Variants in PMF1 observed in about 807,000 individuals in gnomAD.
PMF1 encodes the protein polyamine-modulated factor 1.
A neutral mutation model predicts 26.7 loss-of-function variants in PMF1; 21 were observed. The ratio of observed to expected loss-of-function variants is 0.79; its 90% CI spans 0.56 to 1.13. The LOEUF is 1.13. Ranked by LOEUF, PMF1 falls within the 50% of genes most tolerant of loss-of-function variation. The probability of loss-of-function intolerance (pLI) is 0.00; values close to 1 mark genes in which losing one functional copy is unlikely to be tolerated. For synonymous variants in PMF1, 105 were observed against 101.0 expected, an observed-to-expected ratio of 1.04 and a Z score of -0.24; for missense variants, 266 against 254.9, an observed-to-expected ratio of 1.04 and a Z score of -0.30.
intron 4 of PMF1, chr1:156,236,801 C>T: frequency 2.7e-6 from 1 of 376,210 alleles, no homozygotes; most frequent in East Asian, 4.2e-5. Context: ...GGAGTTAAAA[C>T]CTGGTGCTGG....
intron 1 of PMF1, among the ~76,000 whole-genome samples, chr1:156,216,041 T>A (rs1657678732): frequency 6.6e-6 from 1 of 152,094 alleles, no homozygotes; most frequent in Non-Finnish European, 1.5e-5. Flanking sequence ...AAGGCAGTGA[T>A]CAAGATGGAC....
At chr1:156,215,454 C>A (rs1288430288) in intron 1 of PMF1, among the ~76,000 whole-genome samples, 1 of 152,138 alleles carries the variant, frequency 6.6e-6, no homozygotes, top group Non-Finnish European at 1.5e-5. Flanking sequence ...ACGGTCCCTC[C>A]CCTGTTGTAT....
intron 4 of PMF1, among the ~76,000 whole-genome samples, chr1:156,238,080 T>G (rs1410090642): frequency 6.6e-6 from 1 of 152,218 alleles, no homozygotes; most frequent in Non-Finnish European, 1.5e-5. Flanking sequence ...CGACAATCAG[T>G]TGGCCATAAG....
rs1237224129 is a variant in PMF1 at position 156,213,053 on chromosome 1, G to A, written c.38G>A (p.Cys13Tyr). ...EASSANLGSGCEEKRHEGSSS... is the reference protein window; with the variant it reads ...EASSANLGSGYEEKRHEGSSS... Reference sequence around the variant, plus strand: ...AGTAGCGCCAATCTAGGCAGCGGCTGTGAGGAAAAAAGGCATGAGGGGTCG... The same window carrying A: ...AGTAGCGCCAATCTAGGCAGCGGCTATGAGGAAAAAAGGCATGAGGGGTCG... The change falls in exon 1 of 5, where the codon TGT (cysteine) becomes TAT (tyrosine). Residue 13 changes from cysteine (C) to tyrosine (Y), a missense_variant. Physicochemically the swap from Cys to Tyr is radical, Grantham distance 194 (BLOSUM62 -2). Coordinates refer to ENST00000368277, the MANE Select transcript of PMF1 (RefSeq NM_007221.4). The A allele has an allele frequency of 6.2e-7, 1 of 1,614,218 alleles. No individual in the cohort carries two copies. The highest frequency in any genetic ancestry group is 8.5e-7 in the Non-Finnish European group (1 of 1,180,018).
Position 156,213,512 on chromosome 1 carries a change from C to A in PMF1, c.161+336C>A, listed in dbSNP as rs77605998. Among the ~76,000 whole-genome samples, 658 of 152,290 alleles carry A rather than the reference C, an allele frequency of 4.3e-3. 4 individuals carry two copies. The highest frequency in any genetic ancestry group is 0.015 in the African/African-American group (615 of 41,548). Reference sequence around the variant, plus strand: ...TTTGAGATAGGGCCTTGCGTTGTCGCCCAGGCTGGAGTGCAGTGGCGTGAT... The same window carrying A: ...TTTGAGATAGGGCCTTGCGTTGTCGACCAGGCTGGAGTGCAGTGGCGTGAT... On this transcript the variant is annotated intron_variant, in intron 1 of 4. Transcript: ENST00000368277.
intron 1 of PMF1, among the ~76,000 whole-genome samples, chr1:156,227,945 T>C (rs1461988896): frequency 6.7e-6 from 1 of 150,134 alleles, no homozygotes; most frequent in Admixed American, 6.7e-5. Context: ...TTTTTTTTTT[T>C]TTTTTTGAGA....
intron 1 of PMF1, among the ~76,000 whole-genome samples, chr1:156,222,612 C>T (rs907692328): frequency 2.6e-5 from 4 of 152,166 alleles, no homozygotes; most frequent in African/African-American, 4.8e-5. Flanking sequence ...AAACTCCTGA[C>T]CTCAGGTGAT....
At position 156,239,780 on chromosome 1, in the gene PMF1, C is replaced by A. The variant is rs1487158251; in HGVS notation, c.*179C>A. ...CCTCACTGCCACTGTGCCTTTGGGGCACCCTTGGGGTTGGACATACACCCC... is the reference window on the plus strand; with the variant it reads ...CCTCACTGCCACTGTGCCTTTGGGGAACCCTTGGGGTTGGACATACACCCC... On this transcript the variant is annotated 3_prime_UTR_variant, in exon 5 of 5. Transcript: ENST00000368277. 1.4e-5 allele frequency: 8 copies of A among 592,570 alleles called. No homozygotes were observed. The South Asian group carries it at 1.5e-4, about 11-fold the overall frequency. 36.7% of individuals were successfully genotyped at this position (592,570 alleles called of 1,614,324 possible).
intron 1 of PMF1, chr1:156,225,564 C>T: frequency 1.9e-6 from 3 of 1,548,624 alleles, no homozygotes; most frequent in Non-Finnish European, 2.6e-6. Flanking sequence ...CAGCTCTCCA[C>T]TCCTTCATTG....
intron 2 of PMF1, among the ~76,000 whole-genome samples, chr1:156,232,753 C>T (rs11808511): frequency 0.042 from 6,284 of 151,270 alleles, 463 homozygotes; most frequent in African/African-American, 0.15. Context: ...TTGAGTACAG[C>T]GGCATAATCA....
intron 3 of PMF1, 65 bp downstream of exon 3, chr1:156,233,793 TTTTC>T: frequency 6.6e-7 from 1 of 1,513,214 alleles, no homozygotes. Context: ...TTTTTTTTTT[TTTTC>T]TAGAGTCAGG....
At chr1:156,233,559 A>C in intron 2 of PMF1, 69 bp from the exon 3 acceptor site, 1 of 1,499,978 alleles carries the variant, frequency 6.7e-7, no homozygotes, top group Non-Finnish European at 9.2e-7. Context: ...AAGTGCTGTC[A>C]GCAGTTTAGC....
intron 1 of PMF1, among the ~76,000 whole-genome samples, chr1:156,222,647 T>C (rs1428418300): frequency 6.8e-6 from 1 of 147,988 alleles, no homozygotes; most frequent in South Asian, 2.2e-4. Flanking sequence ...CTCCCAAAGT[T>C]CTGGGACTAC....
Position 156,236,332 on chromosome 1 carries a change from C to T in PMF1, c.413C>T (p.Ala138Val), listed in dbSNP as rs555212220. The change falls in exon 4 of 5, where the codon GCA (alanine) becomes GTA (valine). Residue 138 changes from alanine (A) to valine (V), a missense_variant. Physicochemically the swap from Ala to Val is moderately conservative, Grantham distance 64 (BLOSUM62 0). Transcript: ENST00000368277. ...IPEKDLHSVMAPYFLQQRDTL... is the reference protein window; with the variant it reads ...IPEKDLHSVMVPYFLQQRDTL... ...GAGAAGGATCTGCACAGTGTTATGGCACCCTACTTCCTGCAGCAACGGGAC... is the reference window on the plus strand; with the variant it reads ...GAGAAGGATCTGCACAGTGTTATGGTACCCTACTTCCTGCAGCAACGGGAC... 4.3e-6 allele frequency: 7 copies of T among 1,614,210 alleles called. No homozygotes were observed. The South Asian group carries it at 7.7e-5, about 18-fold the overall frequency.
rs767655347 is a variant in PMF1 at position 156,236,391 on chromosome 1, G to A, written c.472G>A (p.Glu158Lys). The change falls in exon 4 of 5, where the codon GAG becomes AAG. Residue 158 changes from glutamate (E) to lysine (K), a missense_variant. By Grantham distance (56) the Glu-to-Lys change is moderately conservative (BLOSUM62 1). Transcript: ENST00000368277. ...LRRHVQKQEA[E>K]NQQLADAVLA... The stretch of plus-strand genomic sequence containing the variant: ...GCGCCATGTGCAGAAACAGGAGGCC[G>A]AGAACCAGCAGCTGGCAGATGCCGT... The A allele has an allele frequency of 1.1e-5, 18 of 1,614,232 alleles. No homozygotes were observed. Among genetic ancestry groups the A allele is most frequent in the South Asian group, 5.5e-5 (5 of 91,086 alleles).
chr1:156,222,162 G>A (rs1416064462), intron 1 of PMF1, among the ~76,000 whole-genome samples: 2 of 152,180 alleles, frequency 1.3e-5, no homozygotes, highest in Non-Finnish European at 2.9e-5. Flanking sequence ...AGGGCCGTGG[G>A]AGTACAGCGC....
At position 156,232,181 on chromosome 1, in the gene PMF1, T is replaced by A. The variant is rs878983495; in HGVS notation, c.162-139T>A. 1.5e-5 allele frequency: 11 copies of A among 732,066 alleles called. No individual in the cohort carries two copies. The South Asian group carries it at 1.6e-4, about 11-fold the overall frequency. 45.3% of individuals were successfully genotyped at this position (732,066 alleles called of 1,614,324 possible). Reference sequence around the variant, plus strand: ...GGTGACTCGTGCTTAGATGAGAGATTTGCATCCACTGGCTTTAACCAGGGC... The same window carrying A: ...GGTGACTCGTGCTTAGATGAGAGATATGCATCCACTGGCTTTAACCAGGGC... On this transcript the variant is annotated intron_variant, in intron 1 of 4. Transcript: ENST00000368277.
chr1:156,215,890 T>C (rs981664288), intron 1 of PMF1, among the ~76,000 whole-genome samples: 1 of 152,140 alleles, frequency 6.6e-6, no homozygotes, highest in Non-Finnish European at 1.5e-5. Flanking sequence ...GGTTTTGCCA[T>C]GTTGGCCAGG....
intron 3 of PMF1, among the ~76,000 whole-genome samples, chr1:156,235,563 T>C (rs1311782806): frequency 7.1e-6 from 1 of 141,444 alleles, no homozygotes; most frequent in Non-Finnish European, 1.5e-5. Flanking sequence ...TGCCTCAGCC[T>C]CCCAAGTAGC....
Sources: gnomAD v4.1 joint callset for allele counts (sites outside exome capture counted in the v4.1 genomes callset) on GRCh38, gnomAD v4.1.1 for gene constraint, MANE v1.5 for transcripts, NCBI Gene and HGNC (gene_info 2026-07-23, HGNC 2026-07-21) for gene names.